GABBR2: variants seen among roughly 807,000 people sequenced by gnomAD.
The protein encoded by GABBR2 is G-protein coupled receptor 51.
Under a neutral mutation model 105.6 loss-of-function variants are expected in GABBR2, and 23 were observed. The observed-to-expected ratio is 0.22, with a 90% CI of 0.16 to 0.31. The LOEUF (loss-of-function observed/expected upper bound fraction) is 0.31, where lower values mean the gene tolerates loss of function less well. GABBR2 is among the 10% of genes least tolerant of loss of function. GABBR2 has a pLI of 1.00. For missense variants in GABBR2, 734 were observed against 1,245.5 expected (o/e 0.59, Z 6.18); for synonymous variants, 478 against 499.7 (o/e 0.96, Z 0.58).
At chr9:98,526,511 GGGATTTCCTACTCCCTTAACT>G (rs1174100158) in intron 3 of GABBR2, among the ~76,000 whole-genome samples, 8 of 152,116 alleles carry the variant, frequency 5.3e-5, no homozygotes, top group Non-Finnish European at 7.4e-5. Flanking sequence ...CTCTCTGCAT[GGGATTTCCTACTCCCTTAACT>G]CTACTTTGTC....
At chr9:98,411,707 G>A (rs1157832598) in intron 7 of GABBR2, among the ~76,000 whole-genome samples, 1 of 152,110 alleles carries the variant, frequency 6.6e-6, no homozygotes, top group Admixed American at 6.6e-5. Context: ...GACCATAGGT[G>A]CTTGTCACCA....
chr9:98,427,709 T>C (rs1825723264), intron 7 of GABBR2, among the ~76,000 whole-genome samples: 2 of 143,566 alleles, frequency 1.4e-5, no homozygotes, highest in South Asian at 4.6e-4. Flanking sequence ...TTTGGATTAC[T>C]CATGCTGGTG....
At chr9:98,690,616 G>T (rs61170647) in intron 1 of GABBR2, among the ~76,000 whole-genome samples, 32,273 of 152,100 alleles carry the variant, frequency 0.21, 5,050 homozygotes, top group African/African-American at 0.44. Context: ...CTGCATCTCA[G>T]CTGGGAACCA....
chr9:98,579,320 CGACCCAGCATAGGAATGGAAAGA>C (rs1186972681), intron 1 of GABBR2, among the ~76,000 whole-genome samples: 1 of 152,166 alleles, frequency 6.6e-6, no homozygotes, highest in Non-Finnish European at 1.5e-5. Context: ...CAGTTCACGG[CGACCCAGCATAGGAATGGAAAGA>C]GGCCAGGGGC....
At chr9:98,480,789 C>T in intron 5 of GABBR2, 143 bp downstream of exon 5, 1 of 641,952 alleles carries the variant, frequency 1.6e-6, no homozygotes. Context: ...GAGGAAAGAA[C>T]AGTGAACGCA....
At chr9:98,295,206 T>C (rs1216720886) in intron 17 of GABBR2, among the ~76,000 whole-genome samples, 1 of 152,240 alleles carries the variant, frequency 6.6e-6, no homozygotes, top group African/African-American at 2.4e-5. Context: ...AAAATGTGAG[T>C]TGCATGATGC....
At position 98,289,130 on chromosome 9, in the gene GABBR2, C is replaced by A. The variant is rs894068255; in HGVS notation, c.*1454G>T. The A allele has an allele frequency of 1.3e-5, 2 of 152,772 alleles. No individual in the cohort carries two copies. The highest frequency in any genetic ancestry group is 2.9e-5 in the Non-Finnish European group (2 of 68,172). 9.5% of individuals were successfully genotyped at this position (152,772 alleles called of 1,614,324 possible). A position where few individuals can be genotyped will look rare whatever the true frequency, so the allele number is the denominator to read the frequency against. ...GTGCTGGAAGCTTCTCTGGGCCACA[C>A]CCCCGGCTGTAGGGAGGGCTGAAGG... On this transcript the variant is annotated 3_prime_UTR_variant, in exon 19 of 19. Coordinates refer to ENST00000259455, the MANE Select transcript of GABBR2 (RefSeq NM_005458.8).
At chr9:98,331,641 T>C (rs1031255459) in intron 13 of GABBR2, among the ~76,000 whole-genome samples, 3 of 152,132 alleles carry the variant, frequency 2.0e-5, no homozygotes, top group Non-Finnish European at 2.9e-5. Context: ...GTTTGGCAGA[T>C]GAATGAATGA....
intron 2 of GABBR2, among the ~76,000 whole-genome samples, chr9:98,574,858 T>C (rs867960867): frequency 2.6e-5 from 4 of 152,134 alleles, no homozygotes; most frequent in African/African-American, 7.2e-5. Context: ...ATCAGCTGGA[T>C]TCCTCTCTGG....
chr9:98,635,287 G>T (rs922096830), intron 1 of GABBR2, among the ~76,000 whole-genome samples: 9 of 152,122 alleles, frequency 5.9e-5, no homozygotes, highest in Non-Finnish European at 1.2e-4. Flanking sequence ...GGTTGGGTGG[G>T]CACACCAGAC....
chr9:98,316,484 C>G (rs909170355), intron 13 of GABBR2, among the ~76,000 whole-genome samples: 4 of 152,214 alleles, frequency 2.6e-5, no homozygotes, highest in African/African-American at 9.7e-5. Flanking sequence ...ACTTGTTGCT[C>G]TCTTTGGCAA....
intron 13 of GABBR2, among the ~76,000 whole-genome samples, chr9:98,322,754 G>A (rs1410337747): frequency 6.6e-6 from 1 of 152,038 alleles, no homozygotes; most frequent in Non-Finnish European, 1.5e-5. Flanking sequence ...CTTCTTCATA[G>A]GACGGTGAAG....
chr9:98,502,045 C>T (rs185621219), intron 3 of GABBR2, among the ~76,000 whole-genome samples: 8 of 152,302 alleles, frequency 5.3e-5, no homozygotes, highest in Admixed American at 5.2e-4. Flanking sequence ...ACAATGGCTT[C>T]GTTCCTGCAA....
chr9:98,491,647 T>C (rs1331067613), intron 4 of GABBR2, among the ~76,000 whole-genome samples: 1 of 152,214 alleles, frequency 6.6e-6, no homozygotes, highest in Non-Finnish European at 1.5e-5. Context: ...CAAAATGGTC[T>C]CTTTTGAGTC....
intron 12 of GABBR2, among the ~76,000 whole-genome samples, chr9:98,367,045 A>T (rs1262736502): frequency 1.3e-5 from 2 of 152,230 alleles, no homozygotes; most frequent in African/African-American, 2.4e-5. Flanking sequence ...CTGTAAAAAT[A>T]TGAAATTTGG....
chr9:98,483,133 C>CT, intron 4 of GABBR2, among the ~76,000 whole-genome samples: 1 of 152,244 alleles, frequency 6.6e-6, no homozygotes, highest in South Asian at 2.1e-4. Context: ...CCAAGAGGCC[C>CT]TTTCCTCCTC....
intron 7 of GABBR2, among the ~76,000 whole-genome samples, chr9:98,422,728 A>T (rs1832805338): frequency 6.6e-6 from 1 of 151,720 alleles, no homozygotes; most frequent in Admixed American, 6.6e-5. Context: ...GTCATTTAGC[A>T]TTAGGTATAT....
chr9:98,445,350 G>A (rs1826107885), intron 7 of GABBR2, among the ~76,000 whole-genome samples: 2 of 152,324 alleles, frequency 1.3e-5, no homozygotes, highest in South Asian at 4.1e-4. Context: ...CCAATCGGGT[G>A]TGGGGGTAGG....
At chr9:98,471,863 T>C (rs1826688946) in intron 6 of GABBR2, among the ~76,000 whole-genome samples, 1 of 152,248 alleles carries the variant, frequency 6.6e-6, no homozygotes, top group Non-Finnish European at 1.5e-5. Context: ...ATAAATGAGT[T>C]ATTTCTGCTC....
Sources: gnomAD v4.1 joint callset for allele counts (sites outside exome capture counted in the v4.1 genomes callset) on GRCh38, gnomAD v4.1.1 for gene constraint, MANE v1.5 for transcripts, NCBI Gene and HGNC (gene_info 2026-07-23, HGNC 2026-07-21) for gene names.